The following SYNJ2 variants were observed in gnomAD, a reference collection of about 807,000 sequenced individuals.
The protein encoded by SYNJ2 is synaptojanin 2.
In SYNJ2, 116 loss-of-function variants were observed where a neutral mutation model predicts 141.3. The ratio of observed to expected loss-of-function variants is 0.82; its 90% CI spans 0.71 to 0.96. The LOEUF (loss-of-function observed/expected upper bound fraction) is 0.96. Among genes scored for constraint, SYNJ2 ranks in the 40% least tolerant of loss-of-function variants. SYNJ2 has a pLI of 0.00. For synonymous variants in SYNJ2, 745 were observed against 777.7 expected (o/e 0.96, Z 0.70); for missense variants, 1,873 against 1,934.8 (o/e 0.97, Z 0.60).
At chr6:158,074,358 CAG>C (rs1782131888) in intron 15 of SYNJ2, among the ~76,000 whole-genome samples, 1 of 152,142 alleles carries the variant, frequency 6.6e-6, no homozygotes, top group African/African-American at 2.4e-5. Context: ...TCAAACCACT[CAG>C]AAACACTATT....
intron 2 of SYNJ2, among the ~76,000 whole-genome samples, chr6:158,019,346 A>T (rs1778637469): frequency 6.6e-6 from 1 of 152,222 alleles, no homozygotes; most frequent in Admixed American, 6.5e-5. Context: ...TCTGAAAGGG[A>T]CAGGTGGCTG....
In SYNJ2 at chr6:158,071,286, G is replaced by A. The variant is rs1405838919; in HGVS notation, c.1941-316G>A. Among the ~76,000 whole-genome samples, 2 of 152,250 alleles carry A rather than the reference G, an allele frequency of 1.3e-5. No homozygotes were observed. Among genetic ancestry groups the A allele is most frequent in the Non-Finnish European group, 2.9e-5 (2 of 68,048 alleles). On this transcript the variant is annotated intron_variant, in intron 14 of 26. Coordinates refer to ENST00000355585, the MANE Select transcript of SYNJ2 (RefSeq NM_003898.4). The surrounding 1 kb of genome is among the most constrained non-coding windows in gnomAD (Gnocchi z 4.3). ...GTGGGGTGGGCTGGTGGGTGGTGAT[G>A]TTTGCGCCGCTCCTGGTGGCAGTGA...
rs866830355 is a variant in SYNJ2 at position 158,074,945 on chromosome 6, T to G, written c.2292+207T>G. On this transcript the variant is annotated intron_variant, in intron 16 of 26. Transcript: ENST00000355585. ...GTCCTTTTTTTTTTTTTTTTTTTTT[T>G]CCTGAGGCAGAGTCTTGTTCAGTCA... Among the ~76,000 whole-genome samples the G allele has an allele frequency of 4.4e-4, 59 of 135,104 alleles. No homozygotes were observed. In the South Asian group the frequency reaches 0.013, roughly 30 times the overall value. 88.6% of individuals were successfully genotyped at this position (135,104 alleles called of 152,430 possible). A position where few individuals can be genotyped will look rare whatever the true frequency, so the allele number is the denominator to read the frequency against.
chr6:157,993,542 G>T (rs1777527730), intron 1 of SYNJ2, among the ~76,000 whole-genome samples: 1 of 151,814 alleles, frequency 6.6e-6, no homozygotes, highest in African/African-American at 2.4e-5. Flanking sequence ...AACTTAATAT[G>T]ATCTCTTTTG....
chr6:157,990,433 C>T (rs1427095491), intron 1 of SYNJ2, among the ~76,000 whole-genome samples: 1 of 151,934 alleles, frequency 6.6e-6, no homozygotes, highest in Non-Finnish European at 1.5e-5. Flanking sequence ...GGGCCTCACC[C>T]CCGCACGCCT....
intron 4 of SYNJ2, among the ~76,000 whole-genome samples, chr6:158,039,136 A>G (rs1004268885): frequency 1.3e-5 from 2 of 152,180 alleles, no homozygotes; most frequent in Non-Finnish European, 2.9e-5. Flanking sequence ...AGCCAAGGGA[A>G]CCCCTCGCTT....
chr6:158,076,474 C>G, intron 16 of SYNJ2, 152 bp from the exon 17 acceptor site: 1 of 864,864 alleles, frequency 1.2e-6, no homozygotes. Flanking sequence ...AATTAAAAGA[C>G]ACATATGTCC....
chr6:158,000,656 G>A (rs7758206), intron 1 of SYNJ2, among the ~76,000 whole-genome samples: 5 of 151,758 alleles, frequency 3.3e-5, no homozygotes, highest in Admixed American at 1.3e-4. Flanking sequence ...AACTCTCCCC[G>A]CCGACCCCCT....
chr6:158,077,650 T>TAAAAAAAAAAAAAAAAAA (rs56028079), intron 17 of SYNJ2: 1 of 128,208 alleles, frequency 7.8e-6, no homozygotes, highest in African/African-American at 2.9e-5. Flanking sequence ...AACTAGTACA[T>TAAAAAAAAAAAAAAAAAA]AAAAAAAAAA....
intron 5 of SYNJ2, among the ~76,000 whole-genome samples, chr6:158,045,604 C>T (rs186689002): frequency 1.6e-4 from 23 of 141,382 alleles, no homozygotes; most frequent in African/African-American, 5.7e-4. Flanking sequence ...TGGAGGGAGT[C>T]TTCTGGTTCC....
At chr6:158,054,285 T>TCAAC (rs1554245908) in intron 5 of SYNJ2, among the ~76,000 whole-genome samples, 2 of 147,962 alleles carry the variant, frequency 1.4e-5, no homozygotes, top group African/African-American at 5.0e-5. Context: ...ACCCAGCTAT[T>TCAAC]CATCCATCCA....
At chr6:158,033,200 G>C (rs548537976) in intron 3 of SYNJ2, among the ~76,000 whole-genome samples, 9 of 152,208 alleles carry the variant, frequency 5.9e-5, no homozygotes, top group Admixed American at 1.3e-4. Flanking sequence ...ACCTGGTAGT[G>C]GCTTTGGGAA....
chr6:158,042,205 T>G lies in SYNJ2; in HGVS notation c.712-1111T>G, dbSNP rs74506167. On this transcript the variant is annotated intron_variant, in intron 4 of 26. Transcript: ENST00000355585. ...GTAGAAGAATGGAGTTCAACAGCTT[T>G]GCTGGTACTCAATACCTGGAAACAG... is the stretch of plus-strand genomic sequence containing the variant. Among the ~76,000 whole-genome samples the G allele has an allele frequency of 7.8e-3, 1,185 of 152,376 alleles. 11 individuals carry two copies. Among genetic ancestry groups the G allele is most frequent in the Non-Finnish European group, 0.013 (910 of 68,040 alleles).
At chr6:157,985,304 C>A (rs1777159787) in intron 1 of SYNJ2, among the ~76,000 whole-genome samples, 1 of 152,246 alleles carries the variant, frequency 6.6e-6, no homozygotes, top group South Asian at 2.1e-4. Context: ...GCCGTCTGGC[C>A]TGCTAGCAGG....
In SYNJ2 at chr6:158,071,747, C is replaced by T. The variant is rs755117434; in HGVS notation, c.2086C>T (p.Arg696Trp). The T allele has an allele frequency of 3.7e-6, 6 of 1,613,744 alleles. No individual in the cohort carries two copies. Among genetic ancestry groups the T allele is most frequent in the East Asian group, 2.2e-5 (1 of 44,888 alleles). ...LTAGQSQVKE[R>W]NEDYKEITQK... Reference sequence around the variant, plus strand: ...GGCCGGGCAGTCCCAGGTGAAGGAGCGGAATGAAGACTACAAGGAGATCAC... The same window carrying T: ...GGCCGGGCAGTCCCAGGTGAAGGAGTGGAATGAAGACTACAAGGAGATCAC... The change falls in exon 15 of 27, where the codon CGG (arginine) becomes TGG (tryptophan). Residue 696 changes from arginine to tryptophan, a missense_variant. Coordinates refer to ENST00000355585, the MANE Select transcript of SYNJ2 (RefSeq NM_003898.4). The surrounding 1 kb of genome is among the most constrained non-coding windows in gnomAD (Gnocchi z 4.3).
At chr6:157,990,597 A>T (rs1777384776) in intron 1 of SYNJ2, among the ~76,000 whole-genome samples, 1 of 152,132 alleles carries the variant, frequency 6.6e-6, no homozygotes, top group African/African-American at 2.4e-5. Flanking sequence ...GCAGGTTGTT[A>T]GCGGCTGCTG....
chr6:158,021,053 T>C (rs1189390809), intron 2 of SYNJ2, among the ~76,000 whole-genome samples: 3 of 152,120 alleles, frequency 2.0e-5, no homozygotes, highest in Admixed American at 2.0e-4. Context: ...GTTTACACAA[T>C]ACAAAGCATA....
chr6:158,006,580 G>A (rs1359101319), intron 1 of SYNJ2, among the ~76,000 whole-genome samples: 1 of 152,070 alleles, frequency 6.6e-6, no homozygotes, highest in Non-Finnish European at 1.5e-5. Context: ...CCCAGAAGTC[G>A]GTGCCCTCCA....
chr6:158,089,704 G>A (rs1354442158), intron 24 of SYNJ2, 135 bp from the exon 25 acceptor site: 6 of 607,444 alleles, frequency 9.9e-6, no homozygotes, highest in South Asian at 2.0e-5. Flanking sequence ...ATTGCAGGGT[G>A]TGGTGGAGGC....
Sources: gnomAD v4.1 joint callset for allele counts (sites outside exome capture counted in the v4.1 genomes callset) on GRCh38, gnomAD v4.1.1 for gene constraint, Gnocchi (gnomAD v3.1) non-coding constraint, MANE v1.5 for transcripts, NCBI Gene and HGNC (gene_info 2026-07-23, HGNC 2026-07-21) for gene names.